The following KIF9 variants were observed in gnomAD, a reference collection of about 807,000 sequenced individuals.
KIF9 encodes the protein kinesin-like protein KIF9.
In KIF9, 68 loss-of-function variants were observed where a neutral mutation model predicts 94.8. That is an observed-to-expected ratio of 0.72 (90% confidence interval 0.59 to 0.88). KIF9 has a LOEUF of 0.88. KIF9 is among the 40% of genes least tolerant of loss of function. KIF9 has a pLI of 0.00. For synonymous variants in KIF9, 343 were observed against 362.1 expected (o/e 0.95, Z 0.60); for missense variants, 882 against 982.5 (o/e 0.90, Z 1.37).
intron 16 of KIF9, among the ~76,000 whole-genome samples, 195 bp from the exon 17 acceptor site, chr3:47,241,210 A>C (rs1699453081): frequency 6.6e-6 from 1 of 152,228 alleles, no homozygotes; most frequent in African/African-American, 2.4e-5. Flanking sequence ...ATACAAGGAC[A>C]TATGCCCATG....
chr3:47,243,339 G>A (rs1699709722), intron 15 of KIF9, 94 bp from the exon 16 acceptor site: 1 of 1,026,910 alleles, frequency 9.7e-7, no homozygotes, highest in South Asian at 2.0e-5. Flanking sequence ...GACTACACTG[G>A]GAACCCCACC....
At chr3:47,241,407 C>CA (rs1469750857) in intron 16 of KIF9, among the ~76,000 whole-genome samples, 10 of 151,934 alleles carry the variant, frequency 6.6e-5, no homozygotes, top group Admixed American at 1.3e-4. Context: ...CTGCAACCCC[C>CA]ACCTCCTAGG....
At chr3:47,251,976 T>C (rs566532076) in intron 10 of KIF9, among the ~76,000 whole-genome samples, 2 of 152,022 alleles carry the variant, frequency 1.3e-5, no homozygotes, top group African/African-American at 4.8e-5. Context: ...ACAGAGAGCT[T>C]GTGGAAGAGG....
chr3:47,256,072 C>T (rs1700565454), intron 10 of KIF9, among the ~76,000 whole-genome samples: 1 of 152,248 alleles, frequency 6.6e-6, no homozygotes, highest in African/African-American at 2.4e-5. Flanking sequence ...CTCAATGGTG[C>T]CCAGGCTGGA....
At chr3:47,254,165 G>A (rs1029299537) in intron 10 of KIF9, among the ~76,000 whole-genome samples, 1 of 152,184 alleles carries the variant, frequency 6.6e-6, no homozygotes, top group Non-Finnish European at 1.5e-5. Flanking sequence ...CTTAGAAAGT[G>A]TAGGTATTTT....
In KIF9 at chr3:47,244,930, T is replaced by G. The variant is rs374833994; in HGVS notation, c.1381-6A>C. 5 of 1,613,894 alleles carry G rather than the reference T, an allele frequency of 3.1e-6. No individual in the cohort carries two copies. The highest frequency in any genetic ancestry group is 1.3e-5 in the African/African-American group (1 of 75,008). ...TCAACATCCACAAGCCCCGCCTACA[T>G]AGAGAGGCCAGCCAAAGGTCTGTGA... On this transcript the variant is annotated splice_polypyrimidine_tract_variant and splice_region_variant and intron_variant, in intron 14 of 20. Coordinates refer to ENST00000684063, the MANE Select transcript of KIF9 (RefSeq NM_182902.4).
At chr3:47,281,508 C>T (rs1164208421) in intron 1 of KIF9, among the ~76,000 whole-genome samples, 2 of 152,024 alleles carry the variant, frequency 1.3e-5, no homozygotes, top group African/African-American at 2.4e-5. Context: ...CCACCACGCC[C>T]GGGTAATTTT....
At chr3:47,240,191 C>T (rs886430534) in intron 17 of KIF9, 1 of 261,598 alleles carries the variant, frequency 3.8e-6, no homozygotes, top group African/African-American at 2.2e-5. Context: ...GTCAGAGTAA[C>T]CAGGTGAGCA....
chr3:47,231,068 G>C (rs1273658097), intron 20 of KIF9, among the ~76,000 whole-genome samples: 3 of 152,000 alleles, frequency 2.0e-5, no homozygotes, highest in Non-Finnish European at 1.5e-5. Context: ...TTACAGCATA[G>C]AGAAATGAGG....
intron 5 of KIF9, among the ~76,000 whole-genome samples, chr3:47,268,123 G>T (rs1354285625): frequency 6.6e-6 from 1 of 151,954 alleles, no homozygotes; most frequent in Admixed American, 6.6e-5. Flanking sequence ...TGCCCGCCTC[G>T]GCCTGCTACA....
At chr3:47,247,968 A>C (rs1700033251) in intron 11 of KIF9, 50 bp downstream of exon 11, 2 of 1,412,276 alleles carry the variant, frequency 1.4e-6, no homozygotes, top group African/African-American at 1.5e-5. Flanking sequence ...CCCTCTAGTC[A>C]CCCCCTACCC....
intron 17 of KIF9, among the ~76,000 whole-genome samples, chr3:47,239,277 A>G (rs2107128701): frequency 6.6e-6 from 1 of 152,324 alleles, no homozygotes; most frequent in Non-Finnish European, 1.5e-5. Context: ...TTTAGGAGTA[A>G]ATGATATGCC....
intron 10 of KIF9, chr3:47,250,736 C>T (rs1171488390): frequency 3.3e-5 from 7 of 212,310 alleles, no homozygotes; most frequent in Non-Finnish European, 7.3e-5. Context: ...TGAGAACCCT[C>T]GCTGTGAACA....
rs1285691535 is a variant in KIF9 at position 47,241,662 on chromosome 3, T to G, written c.1710-647A>C. Among the ~76,000 whole-genome samples the G allele has an allele frequency of 7.3e-5, 11 of 150,348 alleles. 1 individual carries two copies. The Admixed American group carries it at 7.3e-4, about 10-fold the overall frequency. On this transcript the variant is annotated intron_variant, in intron 16 of 20. Transcript: ENST00000684063. ...GTGTGTGTGTGTGTATATATATATG[T>G]GTGTGTGTGTATATACATATATGCA... is the stretch of plus-strand genomic sequence containing the variant.
intron 10 of KIF9, among the ~76,000 whole-genome samples, chr3:47,255,979 C>A (rs1450273944): frequency 1.3e-5 from 2 of 152,250 alleles, no homozygotes; most frequent in African/African-American, 4.8e-5. Flanking sequence ...CCGGGCTGGT[C>A]TCCAGCTCCT....
intron 10 of KIF9, 57 bp from the exon 11 acceptor site, chr3:47,248,143 C>T: frequency 8.0e-7 from 1 of 1,252,370 alleles, no homozygotes; most frequent in Non-Finnish European, 1.2e-6. Flanking sequence ...GAGAAGCTAC[C>T]CTGTCTCTTC....
chr3:47,276,878 T>G (rs1227531255), intron 2 of KIF9, among the ~76,000 whole-genome samples: 1 of 152,202 alleles, frequency 6.6e-6, no homozygotes, highest in Non-Finnish European at 1.5e-5. Flanking sequence ...ATCTTTCCAC[T>G]TCTCTTGATA....
chr3:47,240,010 G>T, intron 17 of KIF9: 1 of 1,191,298 alleles, frequency 8.4e-7, no homozygotes, highest in Non-Finnish European at 1.1e-6. Context: ...TCACTAAAAT[G>T]CAGGTCCTGG....
intron 16 of KIF9, 104 bp from the exon 17 acceptor site, chr3:47,241,119 G>T: frequency 1.0e-6 from 1 of 972,176 alleles, no homozygotes; most frequent in Non-Finnish European, 1.6e-6. Context: ...CCAGGAGGCA[G>T]AAGTGCTAGG....
Sources: allele counts gnomAD v4.1 joint callset (sites outside exome capture counted in the v4.1 genomes callset), GRCh38; gene constraint gnomAD v4.1.1; transcripts MANE v1.5; gene names NCBI Gene and HGNC (gene_info 2026-07-23, HGNC 2026-07-21).